The following CAPN8 variants were observed in gnomAD, a reference collection of about 807,000 sequenced individuals.
The protein encoded by CAPN8 is calpain-8.
In CAPN8, 87 loss-of-function variants were observed where a neutral mutation model predicts 80.9. The observed-to-expected ratio is 1.07, with a 90% CI of 0.90 to 1.28. CAPN8 has a LOEUF of 1.28. CAPN8 is among the 50% of genes most tolerant of loss of function. The probability of loss-of-function intolerance (pLI) is 0.00; values close to 1 mark genes in which losing one functional copy is unlikely to be tolerated. For missense variants in CAPN8, 757 were observed against 702.0 expected, an observed-to-expected ratio of 1.08 and a Z score of -0.89; for synonymous variants, 299 against 273.8, an observed-to-expected ratio of 1.09 and a Z score of -0.91.
intron 18 of CAPN8, 84 bp downstream of exon 18, chr1:223,544,688 C>A: frequency 6.6e-7 from 1 of 1,511,234 alleles, no homozygotes; most frequent in Non-Finnish European, 8.9e-7. Flanking sequence ...AAATGATGAT[C>A]ATTAGCAATC....
chr1:223,614,399 CAA>C (rs66479503), intron 10 of CAPN8, among the ~76,000 whole-genome samples: 8 of 130,892 alleles, frequency 6.1e-5, no homozygotes, highest in Non-Finnish European at 1.2e-4. Context: ...GAGTCCGTCT[CAA>C]AAAAAAAAAA....
In CAPN8 at chr1:223,552,038, C is replaced by G. The variant is rs376189933; in HGVS notation, c.1642-1021G>C. Reference sequence around the variant, plus strand: ...GGAGAGCAGATCTCAGGCAGGATGACCAAGGAAATGCAGAGAAGGCGTGCT... The same window carrying G: ...GGAGAGCAGATCTCAGGCAGGATGAGCAAGGAAATGCAGAGAAGGCGTGCT... On this transcript the variant is annotated intron_variant, in intron 14 of 20. Transcript: ENST00000366872. 2.0e-5 allele frequency among the ~76,000 whole-genome samples: 3 copies of G among 152,286 alleles called. No homozygotes were observed. In the South Asian group the frequency reaches 6.2e-4, roughly 32 times the overall value.
At chr1:223,649,126 C>A (rs1027868723) in intron 2 of CAPN8, among the ~76,000 whole-genome samples, 2 of 152,226 alleles carry the variant, frequency 1.3e-5, no homozygotes, top group Non-Finnish European at 2.9e-5. Context: ...AAGCAGCAAG[C>A]ATCAAATTTC....
At chr1:223,654,224 T>A in intron 2 of CAPN8, 106 bp downstream of exon 2, 1 of 937,984 alleles carries the variant, frequency 1.1e-6, no homozygotes, top group Non-Finnish European at 1.6e-6. Context: ...ACACATCAGG[T>A]ACCTAATTCA....
intron 1 of CAPN8, among the ~76,000 whole-genome samples, chr1:223,664,663 T>G (rs1218141259): frequency 6.6e-6 from 1 of 152,174 alleles, no homozygotes; most frequent in Non-Finnish European, 1.5e-5. Flanking sequence ...TCAGGCTGGG[T>G]GTAGTGGCTC....
At chr1:223,558,730 T>C (rs1001295624) in intron 12 of CAPN8, among the ~76,000 whole-genome samples, 4 of 151,612 alleles carry the variant, frequency 2.6e-5, no homozygotes, top group African/African-American at 9.7e-5. Flanking sequence ...TACTGTATGA[T>C]GTGTGATGTG....
rs78169989 is a variant in CAPN8 at position 223,623,411 on chromosome 1, T to C, written c.814-511A>G. The stretch of plus-strand genomic sequence containing the variant: ...AAATCTGAGACTTAAAGAAGTTACA[T>C]TATCCGAGATTATCTAGTTAGTAAG... On this transcript the variant is annotated intron_variant, in intron 6 of 20. Transcript: ENST00000366872. Among the ~76,000 whole-genome samples the C allele has an allele frequency of 3.2e-3, 493 of 152,296 alleles. 12 individuals carry two copies. Among genetic ancestry groups the C allele is most frequent in the East Asian group, 0.023 (117 of 5,176 alleles).
At chr1:223,645,719 T>A (rs1231309121) in intron 2 of CAPN8, among the ~76,000 whole-genome samples, 4 of 152,160 alleles carry the variant, frequency 2.6e-5, no homozygotes, top group Non-Finnish European at 1.5e-5. Flanking sequence ...TGGCAGAGCA[T>A]CAGGGACCAA....
intron 6 of CAPN8, among the ~76,000 whole-genome samples, chr1:223,624,807 T>C (rs1412177645): frequency 6.6e-6 from 1 of 151,278 alleles, no homozygotes; most frequent in Non-Finnish European, 1.5e-5. Flanking sequence ...ATAAAAATAA[T>C]GAATAGGCCG....
chr1:223,665,320 C>T, intron 1 of CAPN8, 90 bp downstream of exon 1: 1 of 1,030,096 alleles, frequency 9.7e-7, no homozygotes, highest in Non-Finnish European at 1.4e-6. Context: ...ACTTAGGGTC[C>T]ACAGCCTCAA....
At chr1:223,616,265 C>T in intron 9 of CAPN8, 120 bp from the exon 10 acceptor site, 1 of 1,178,550 alleles carries the variant, frequency 8.5e-7, no homozygotes. Flanking sequence ...CCAAACTGTG[C>T]CTAGTAAGCA....
chr1:223,556,746 C>T (rs906211562), intron 13 of CAPN8, among the ~76,000 whole-genome samples: 2 of 152,190 alleles, frequency 1.3e-5, no homozygotes, highest in African/African-American at 4.8e-5. Flanking sequence ...TTTAGCAGAA[C>T]CCTGCCCTTC....
At chr1:223,658,158 A>G (rs1377148666) in intron 1 of CAPN8, among the ~76,000 whole-genome samples, 4 of 152,178 alleles carry the variant, frequency 2.6e-5, no homozygotes, top group Non-Finnish European at 1.5e-5. Context: ...GGCTTCAACT[A>G]TTAACTGCAG....
intron 1 of CAPN8, among the ~76,000 whole-genome samples, chr1:223,660,848 T>TA (rs1658624305): frequency 6.6e-6 from 1 of 151,758 alleles, no homozygotes; most frequent in African/African-American, 2.4e-5. Context: ...AGCAGTGAAA[T>TA]AAAAAAGCAA....
At position 223,555,878 on chromosome 1, in the gene CAPN8, T is replaced by C. The variant is rs1656895518; in HGVS notation, c.1573-1978A>G. On this transcript the variant is annotated intron_variant, in intron 13 of 20. Coordinates refer to ENST00000366872, the MANE Select transcript of CAPN8 (RefSeq NM_001143962.2). ...GATTTACTGAACACCTGGCCCATGT[T>C]GGGAACTGTTCAGAACCTGCGTGTG... Among the ~76,000 whole-genome samples, 3 of 152,234 alleles carry C rather than the reference T, an allele frequency of 2.0e-5. No homozygotes were observed. The South Asian group carries it at 6.2e-4, about 32-fold the overall frequency.
At chr1:223,660,414 T>C (rs1334166708) in intron 1 of CAPN8, among the ~76,000 whole-genome samples, 3 of 152,166 alleles carry the variant, frequency 2.0e-5, no homozygotes, top group Admixed American at 1.3e-4. Context: ...TAGCCAACCA[T>C]GCTGTTTGTG....
intron 14 of CAPN8, among the ~76,000 whole-genome samples, chr1:223,553,405 C>A (rs1196728917): frequency 1.3e-5 from 2 of 152,168 alleles, no homozygotes; most frequent in African/African-American, 4.8e-5. Context: ...CAGGGCTAGT[C>A]CTGCACACTA....
rs575138614 is a variant in CAPN8 at position 223,621,939 on chromosome 1, C to T, written c.899+876G>A. Among the ~76,000 whole-genome samples, 93 of 152,152 alleles carry T rather than the reference C, an allele frequency of 6.1e-4. 2 individuals are homozygous for T. The South Asian group carries it at 0.013, about 21-fold the overall frequency. ...TGGCCCAATCTCGGCTCACTGCAAC[C>T]TCCAACTCCTGGGTTCAAGCGATTT... On this transcript the variant is annotated intron_variant, in intron 7 of 20. Transcript: ENST00000366872.
intron 4 of CAPN8, among the ~76,000 whole-genome samples, chr1:223,627,380 C>G (rs1022561042): frequency 5.9e-5 from 9 of 152,188 alleles, no homozygotes; most frequent in Non-Finnish European, 8.8e-5. Flanking sequence ...CCAGCCACCC[C>G]CTCCTTTACA....
Sources: gnomAD v4.1 joint callset for allele counts (sites outside exome capture counted in the v4.1 genomes callset) on GRCh38, gnomAD v4.1.1 for gene constraint, MANE v1.5 for transcripts, NCBI Gene and HGNC (gene_info 2026-07-23, HGNC 2026-07-21) for gene names.